MYO1E: variants seen among roughly 807,000 people sequenced by gnomAD.
The protein encoded by MYO1E is myosin IE.
MYO1E carries 68 observed loss-of-function variants against 151.1 expected under a neutral mutation model. The observed-to-expected ratio is 0.45, with a 90% CI of 0.37 to 0.55. The LOEUF is 0.55. MYO1E is among the 20% of genes least tolerant of loss of function. The probability of loss-of-function intolerance (pLI) is 0.00; values close to 1 mark genes in which losing one functional copy is unlikely to be tolerated. For missense variants in MYO1E, 1,363 were observed against 1,389.3 expected, an observed-to-expected ratio of 0.98 and a Z score of 0.30; for synonymous variants, 601 against 501.7, an observed-to-expected ratio of 1.20 and a Z score of -2.64.
intron 2 of MYO1E, among the ~76,000 whole-genome samples, chr15:59,271,771 G>C (rs1189234381): frequency 1.3e-5 from 2 of 152,200 alleles, no homozygotes; most frequent in Admixed American, 1.3e-4. Flanking sequence ...TTTAAGTGCA[G>C]ACTCAAATGT....
intron 4 of MYO1E, among the ~76,000 whole-genome samples, chr15:59,238,343 G>T (rs759435166): frequency 1.4e-4 from 22 of 152,214 alleles, no homozygotes; most frequent in Non-Finnish European, 2.5e-4. Context: ...CAAGAATATT[G>T]GAAAGTCCAA....
chr15:59,184,489 T>G (rs147100163), intron 18 of MYO1E, among the ~76,000 whole-genome samples: 1 of 152,204 alleles, frequency 6.6e-6, no homozygotes, highest in Non-Finnish European at 1.5e-5. Flanking sequence ...GCCTCCCAAG[T>G]AGCTGGCATT....
Position 59,178,494 on chromosome 15 carries a change from C to T in MYO1E, c.1948G>A (p.Glu650Lys). 6.2e-7 allele frequency: 1 copy of T among 1,614,220 alleles called. No individual in the cohort carries two copies. The highest frequency in any genetic ancestry group is 8.5e-7 in the Non-Finnish European group (1 of 1,180,034). Residue 650 changes from glutamate to lysine, a missense_variant, in exon 19 of 28, where the codon GAG becomes AAG. Physicochemically the swap from Glu to Lys is moderately conservative, Grantham distance 56. Coordinates refer to ENST00000288235, the MANE Select transcript of MYO1E (RefSeq NM_004998.4). Reference protein sequence around the residue: ...TKATWPSWQGEEKQGVLHLLQ... With the variant: ...TKATWPSWQGKEKQGVLHLLQ... ...AGGTGCAGGACGCCTTGCTTCTCCT[C>T]TCCCTGCCAAGAAGGCCAGGTGGCT...
chr15:59,372,395 C>G (rs1443566726), intron 1 of MYO1E, 103 bp downstream of exon 1: 4 of 1,415,820 alleles, frequency 2.8e-6, no homozygotes, highest in Admixed American at 3.9e-5. Context: ...TCCACCTTCT[C>G]CACCCCTGGC....
intron 22 of MYO1E, among the ~76,000 whole-genome samples, chr15:59,169,503 G>C (rs1253402398): frequency 6.6e-6 from 1 of 152,154 alleles, no homozygotes; most frequent in Non-Finnish European, 1.5e-5. Flanking sequence ...ATTCATCTTG[G>C]CAAGTGTGAG....
intron 1 of MYO1E, among the ~76,000 whole-genome samples, chr15:59,319,197 G>A (rs1465472335): frequency 6.6e-6 from 1 of 152,108 alleles, no homozygotes; most frequent in African/African-American, 2.4e-5. Flanking sequence ...TGTAATCCCA[G>A]CTACTTGGGA....
In MYO1E at chr15:59,235,270, C is replaced by A. The variant is rs562977230; in HGVS notation, c.420+1315G>T. Among the ~76,000 whole-genome samples the A allele has an allele frequency of 2.0e-3, 297 of 152,306 alleles. 2 individuals carry two copies. Among genetic ancestry groups the A allele is most frequent in the African/African-American group, 6.7e-3 (280 of 41,558 alleles). On this transcript the variant is annotated intron_variant, in intron 5 of 27. Coordinates refer to ENST00000288235, the MANE Select transcript of MYO1E (RefSeq NM_004998.4). ...ACCATGCAAGTTTCTAAAGGGTATA[C>A]AGGAAGGGTAGGCCCTTCTCCCAAC...
intron 1 of MYO1E, among the ~76,000 whole-genome samples, chr15:59,273,286 G>A (rs760771698): frequency 6.6e-6 from 1 of 152,174 alleles, no homozygotes; most frequent in East Asian, 1.9e-4. Context: ...TGGCATTTCT[G>A]TAGTGGGGTC....
At chr15:59,315,148 T>C (rs2080579685) in intron 1 of MYO1E, among the ~76,000 whole-genome samples, 1 of 152,214 alleles carries the variant, frequency 6.6e-6, no homozygotes, top group African/African-American at 2.4e-5. Context: ...TGAAGCTATC[T>C]GGCTTCTCCC....
In MYO1E at chr15:59,350,821, C is replaced by CA. The variant is rs2080818919; in HGVS notation, c.3+21676dup. On this transcript the variant is annotated intron_variant, in intron 1 of 27. Transcript: ENST00000288235. The surrounding 1 kb of genome is among the most constrained non-coding windows in gnomAD (Gnocchi z 5.0). ...ACAATTTGGAGAAGGGAATGATCTC[C>CA]ACGAGTTAAATCAGAGGCTTCCAGG... Among the ~76,000 whole-genome samples the CA allele has an allele frequency of 1.3e-5, 2 of 152,178 alleles. No individual in the cohort carries two copies. Among genetic ancestry groups the CA allele is most frequent in the Non-Finnish European group, 2.9e-5 (2 of 68,016 alleles).
At chr15:59,300,381 T>TTTATTG in intron 1 of MYO1E, among the ~76,000 whole-genome samples, 1 of 152,224 alleles carries the variant, frequency 6.6e-6, no homozygotes, top group Admixed American at 6.5e-5. Flanking sequence ...ATTTCTGGTG[T>TTTATTG]GCACACACAC....
chr15:59,278,448 CT>C (rs531864242), intron 1 of MYO1E, among the ~76,000 whole-genome samples: 1 of 152,120 alleles, frequency 6.6e-6, no homozygotes, highest in Non-Finnish European at 1.5e-5. Flanking sequence ...GGAATTCCAC[CT>C]TTTACATTTC....
intron 17 of MYO1E, among the ~76,000 whole-genome samples, chr15:59,191,531 T>A (rs2079734754): frequency 6.6e-6 from 1 of 152,162 alleles, no homozygotes; most frequent in Non-Finnish European, 1.5e-5. Flanking sequence ...GTACTTTTCA[T>A]AAACACTGGC....
In MYO1E at chr15:59,163,316, T is replaced by C; in HGVS notation, c.2481-13A>G. On this transcript the variant is annotated splice_polypyrimidine_tract_variant and intron_variant, in intron 22 of 27. Coordinates refer to ENST00000288235, the MANE Select transcript of MYO1E (RefSeq NM_004998.4). ...ATCCTGCATAGTACTGTAAAGAGAT[T>C]GGACAAACACACTTGGTGAAAGCTG... 6.2e-7 allele frequency: 1 copy of C among 1,612,016 alleles called. No homozygotes were observed. Among genetic ancestry groups the C allele is most frequent in the South Asian group, 1.1e-5 (1 of 90,974 alleles).
At chr15:59,226,459 T>A (rs1398059923) in intron 7 of MYO1E, among the ~76,000 whole-genome samples, 2 of 152,298 alleles carry the variant, frequency 1.3e-5, no homozygotes, top group African/African-American at 4.8e-5. Context: ...ACATAAAAAA[T>A]TTGGTTATTA....
At chr15:59,216,332 T>C (rs1286388564) in intron 10 of MYO1E, among the ~76,000 whole-genome samples, 3 of 152,008 alleles carry the variant, frequency 2.0e-5, no homozygotes, top group African/African-American at 4.8e-5. Context: ...GCAGAGATAA[T>C]AATACCTAAG....
chr15:59,220,146 T>TA (rs1161800100), intron 9 of MYO1E, among the ~76,000 whole-genome samples: 17 of 152,016 alleles, frequency 1.1e-4, no homozygotes, highest in South Asian at 6.2e-4. Flanking sequence ...TAAGGTCAGG[T>TA]AAAAAAAACA....
At chr15:59,251,903 T>C (rs116299204) in intron 4 of MYO1E, among the ~76,000 whole-genome samples, 2 of 152,326 alleles carry the variant, frequency 1.3e-5, no homozygotes, top group East Asian at 1.9e-4. Context: ...TATTGGATAT[T>C]TGGACAAAAA....
rs776358755 is a variant in MYO1E at position 59,214,696 on chromosome 15, C to G, written c.1132G>C (p.Asp378His). The change falls in exon 11 of 28, where the codon GAC (aspartate) becomes CAC (histidine). Residue 378 changes from aspartate to histidine, a missense_variant. Asp to His is a moderately conservative substitution (Grantham distance 81). Transcript: ENST00000288235. The part of the protein sequence containing the change: ...VDSINKAMEK[D>H]HEEYNIGVLD... The stretch of plus-strand genomic sequence containing the variant: ...ACGCCAATGTTGTATTCTTCATGGT[C>G]TTTCTCCATGGCTTTATTGATGGAC... 1 of 1,613,728 alleles carries G rather than the reference C, an allele frequency of 6.2e-7. No homozygotes were observed. Among genetic ancestry groups the G allele is most frequent in the South Asian group, 1.1e-5 (1 of 91,062 alleles).
Sources: gnomAD v4.1 joint callset for allele counts (sites outside exome capture counted in the v4.1 genomes callset) on GRCh38, gnomAD v4.1.1 for gene constraint, Gnocchi (gnomAD v3.1) non-coding constraint, MANE v1.5 for transcripts, NCBI Gene and HGNC (gene_info 2026-07-23, HGNC 2026-07-21) for gene names.